CPNE4: variants seen among roughly 807,000 people sequenced by gnomAD.
CPNE4 encodes the protein copine 4.
CPNE4 carries 25 observed loss-of-function variants against 67.9 expected under a neutral mutation model. That is an observed-to-expected ratio of 0.37 (90% CI 0.27 to 0.51). The LOEUF (loss-of-function observed/expected upper bound fraction) is 0.51, where lower values mean the gene tolerates loss of function less well. CPNE4 is among the 20% of genes least tolerant of loss of function. The pLI is 0.93. For synonymous variants in CPNE4, 242 were observed against 244.9 expected (o/e 0.99, Z 0.11); for missense variants, 464 against 690.8 (o/e 0.67, Z 3.68).
At chr3:131,892,028 A>G (rs2088138403) in intron 2 of CPNE4, among the ~76,000 whole-genome samples, 1 of 152,156 alleles carries the variant, frequency 6.6e-6, no homozygotes, top group Non-Finnish European at 1.5e-5. Flanking sequence ...AGGACCGTAG[A>G]GAGGGAGGCA....
rs917532378 is a variant in CPNE4 at position 131,636,036 on chromosome 3, C to A, written c.681+33639G>T. Among the ~76,000 whole-genome samples the A allele has an allele frequency of 2.2e-5, 2 of 91,644 alleles. 1 individual carries two copies. The highest frequency in any genetic ancestry group is 3.8e-5 in the Non-Finnish European group (2 of 53,198). The allele number at this position is 91,644 out of a possible 152,430, so 60.1% of individuals were successfully genotyped here. ...GCGGAGCTTGCAGTGAGCCGAGATC[C>A]CGCCACTGCACTCCAGCCTGGGCGA... On this transcript the variant is annotated intron_variant, in intron 7 of 15. Transcript: ENST00000429747.
intron 2 of CPNE4, among the ~76,000 whole-genome samples, chr3:131,855,916 G>C (rs1158289496): frequency 6.6e-6 from 1 of 151,906 alleles, no homozygotes; most frequent in Non-Finnish European, 1.5e-5. Flanking sequence ...TTTATTGTAA[G>C]TTTATTTCTG....
chr3:131,882,150 ACACAC>A (rs2087696497), intron 2 of CPNE4, among the ~76,000 whole-genome samples: 1 of 152,076 alleles, frequency 6.6e-6, no homozygotes, highest in Non-Finnish European at 1.5e-5. Flanking sequence ...ACACACACAC[ACACAC>A]ACACACAACC....
At chr3:131,669,847 C>T in intron 6 of CPNE4, 83 bp from the exon 7 acceptor site, 1 of 1,035,926 alleles carries the variant, frequency 9.7e-7, no homozygotes, top group Non-Finnish European at 1.5e-6. Context: ...GCTTGAGAAA[C>T]CATTGTGATG....
chr3:131,558,463 A>C (rs1936586146), intron 11 of CPNE4, among the ~76,000 whole-genome samples: 1 of 152,008 alleles, frequency 6.6e-6, no homozygotes, highest in Non-Finnish European at 1.5e-5. Context: ...GACAATCTGG[A>C]AAATTGAGGG....
intron 2 of CPNE4, among the ~76,000 whole-genome samples, chr3:131,812,830 T>A (rs2084588524): frequency 6.6e-6 from 1 of 152,098 alleles, no homozygotes. Context: ...ATATTTAATG[T>A]CTTCACAAAA....
intron 2 of CPNE4, among the ~76,000 whole-genome samples, chr3:131,728,291 T>C (rs1371726505): frequency 6.6e-6 from 1 of 152,218 alleles, no homozygotes; most frequent in Non-Finnish European, 1.5e-5. Flanking sequence ...GGTACTGTTA[T>C]TATCCTCTCT....
chr3:131,921,254 C>A (rs2070732976), intron 1 of CPNE4, among the ~76,000 whole-genome samples: 1 of 152,232 alleles, frequency 6.6e-6, no homozygotes, highest in South Asian at 2.1e-4. Flanking sequence ...TCAGGTCTCT[C>A]AGACTCCAGT....
chr3:131,978,468 T>A (rs1193471937), intron 1 of CPNE4, among the ~76,000 whole-genome samples: 1 of 20,432 alleles, frequency 4.9e-5, no homozygotes, highest in Non-Finnish European at 7.3e-5. Flanking sequence ...TTATATATAT[T>A]TATATATTTA....
At position 131,832,093 on chromosome 3, in the gene CPNE4, T is replaced by C. The variant is rs73875037; in HGVS notation, c.180+73171A>G. On this transcript the variant is annotated intron_variant, in intron 2 of 15. Transcript: ENST00000429747. Reference sequence around the variant, plus strand: ...GTCAGGGGTTCAAAGTTCTATCTAATGGGCTTATAGCTTATACTTTGTAAT... The same window carrying C: ...GTCAGGGGTTCAAAGTTCTATCTAACGGGCTTATAGCTTATACTTTGTAAT... 3.2e-3 allele frequency among the ~76,000 whole-genome samples: 491 copies of C among 152,354 alleles called. 4 individuals are homozygous for C. Among genetic ancestry groups the C allele is most frequent in the African/African-American group, 0.011 (475 of 41,586 alleles).
Position 131,700,053 on chromosome 3 carries a change from C to T in CPNE4, c.361-73G>A, listed in dbSNP as rs1352507135. 2.6e-5 allele frequency: 9 copies of T among 345,086 alleles called. No homozygotes were observed. The South Asian group carries it at 3.2e-4, about 12-fold the overall frequency. 21.4% of individuals were successfully genotyped at this position (345,086 alleles called of 1,614,324 possible). A position where few individuals can be genotyped will look rare whatever the true frequency, so the allele number is the denominator to read the frequency against. ...TTTAACTGTAGATCTATTTTTTAAA[C>T]CTTTTTTTTTTTTTTTTTTTTTTTA... On this transcript the variant is annotated intron_variant, in intron 3 of 15. Coordinates refer to ENST00000429747, the MANE Select transcript of CPNE4 (RefSeq NM_130808.3).
intron 3 of CPNE4, among the ~76,000 whole-genome samples, chr3:131,700,201 G>A (rs1156924429): frequency 6.6e-6 from 1 of 151,892 alleles, no homozygotes; most frequent in Non-Finnish European, 1.5e-5. Flanking sequence ...GAGTTAGTGA[G>A]TGAAGAATTA....
At chr3:131,733,127 C>T (rs560902927) in intron 2 of CPNE4, among the ~76,000 whole-genome samples, 3 of 152,306 alleles carry the variant, frequency 2.0e-5, no homozygotes, top group East Asian at 3.9e-4. Context: ...CTAAGGTCAC[C>T]CAGCTGTCGA....
At chr3:131,777,553 A>C (rs908261546) in intron 2 of CPNE4, among the ~76,000 whole-genome samples, 6 of 152,082 alleles carry the variant, frequency 3.9e-5, no homozygotes, top group African/African-American at 1.2e-4. Flanking sequence ...AGAGGATCCC[A>C]GGAGAAGACT....
intron 2 of CPNE4, among the ~76,000 whole-genome samples, chr3:131,882,582 G>T (rs1004071610): frequency 2.2e-4 from 33 of 149,890 alleles, no homozygotes; most frequent in Non-Finnish European, 4.0e-4. Flanking sequence ...ATATATAAAT[G>T]ATAATATTGA....
chr3:131,570,301 TTCTC>T lies in CPNE4; in HGVS notation c.927+4766_927+4769del, dbSNP rs1315742076. On this transcript the variant is annotated intron_variant, in intron 10 of 15. Coordinates refer to ENST00000429747, the MANE Select transcript of CPNE4 (RefSeq NM_130808.3). ...AAAAACCTTTGATTTTTCTACCATTTTCTCTTTTTATTTATTTATTTATTTATTT... is the reference window on the plus strand; with the variant it reads ...AAAAACCTTTGATTTTTCTACCATTTTTTTTATTTATTTATTTATTTATTT... Among the ~76,000 whole-genome samples the T allele has an allele frequency of 9.8e-4, 147 of 150,426 alleles. 1 individual carries two copies. The highest frequency in any genetic ancestry group is 3.5e-3 in the African/African-American group (142 of 40,802).
intron 2 of CPNE4, among the ~76,000 whole-genome samples, chr3:131,740,268 A>G (rs564999265): frequency 2.5e-4 from 38 of 152,306 alleles, no homozygotes; most frequent in African/African-American, 8.4e-4. Context: ...CCATATTGGC[A>G]TGATCAAAGG....
intron 1 of CPNE4, among the ~76,000 whole-genome samples, chr3:131,999,241 T>TAAAAAAAAAAAAAAAAAAAAAAAAAA (rs79127364): frequency 6.1e-5 from 6 of 98,814 alleles, no homozygotes; most frequent in African/African-American, 1.6e-4. Flanking sequence ...TTATCCAAGG[T>TAAAAAAAAAAAAAAAAAAAAAAAAAA]AAAAAAAAAA....
intron 2 of CPNE4, among the ~76,000 whole-genome samples, chr3:131,865,942 T>C (rs146450478): frequency 9.6e-4 from 146 of 152,304 alleles, no homozygotes; most frequent in African/African-American, 3.3e-3. Flanking sequence ...ACCTTTGGCA[T>C]TGTCCCAAGT....
Sources: gnomAD v4.1 joint callset for allele counts (sites outside exome capture counted in the v4.1 genomes callset) on GRCh38, gnomAD v4.1.1 for gene constraint, MANE v1.5 for transcripts, NCBI Gene and HGNC (gene_info 2026-07-23, HGNC 2026-07-21) for gene names.